Variants in LSP1 observed in about 807,000 individuals in gnomAD.
The protein encoded by LSP1 is lymphocyte-specific protein 1.
A neutral mutation model predicts 49.3 loss-of-function variants in LSP1; 32 were observed. The observed-to-expected ratio is 0.65, with a 90% CI of 0.49 to 0.87. The LOEUF (loss-of-function observed/expected upper bound fraction) is 0.87. Ranked by LOEUF, LSP1 falls within the 40% of genes least tolerant of loss-of-function variation. The pLI, the probability that LSP1 is intolerant of heterozygous loss-of-function variation, is 0.00. For synonymous variants in LSP1, 179 were observed against 178.8 expected, an observed-to-expected ratio of 1.00 and a Z score of -0.01; for missense variants, 428 against 442.6, an observed-to-expected ratio of 0.97 and a Z score of 0.30.
intron 10 of LSP1, chr11:1,888,802 G>T: frequency 4.0e-6 from 1 of 248,794 alleles, no homozygotes; most frequent in Non-Finnish European, 7.6e-6. Flanking sequence ...GGCCCCTGAG[G>T]AGCCTGGGCT....
chr11:1,858,947 C>T (rs1359146952), intron 1 of LSP1, among the ~76,000 whole-genome samples: 1 of 152,188 alleles, frequency 6.6e-6, no homozygotes, highest in Non-Finnish European at 1.5e-5. Context: ...CCAGGCAAGT[C>T]CTATCCTAAC....
intron 1 of LSP1, among the ~76,000 whole-genome samples, chr11:1,873,557 G>A (rs1334524391): frequency 1.3e-5 from 2 of 151,172 alleles, no homozygotes; most frequent in Non-Finnish European, 3.0e-5. Flanking sequence ...AAGGATAGAG[G>A]GAGGAGGGAA....
At chr11:1,876,695 G>A in intron 1 of LSP1, 1 of 939,040 alleles carries the variant, frequency 1.1e-6, no homozygotes, top group Non-Finnish European at 1.3e-6. Flanking sequence ...CAGGCCCTCA[G>A]CGGGGACTGG....
At position 1,880,219 on chromosome 11, in the gene LSP1, G is replaced by A; in HGVS notation, c.186G>A (p.Glu62=). The change falls in exon 2 of 11, where the codon GAG becomes GAA. Residue 62 remains glutamate (E), a synonymous_variant. Transcript: ENST00000311604. Reference sequence around the variant, plus strand: ...ATGTCCCCGAGCGGCCGAAGCAGGAGATGCTGTGAGCAGCCCCATAACGCG... The same window carrying A: ...ATGTCCCCGAGCGGCCGAAGCAGGAAATGCTGTGAGCAGCCCCATAACGCG... ...GGHVPERPKQ[E]MLLSLKPSEA... is the part of the protein sequence containing the mutation. 1 of 1,596,068 alleles carries A rather than the reference G, an allele frequency of 6.3e-7. No homozygotes were observed.
intron 1 of LSP1, among the ~76,000 whole-genome samples, chr11:1,857,068 G>A (rs1847507560): frequency 6.6e-6 from 1 of 152,224 alleles, no homozygotes; most frequent in African/African-American, 2.4e-5. Context: ...TCCTGCCCTG[G>A]GTAAGGGGTC....
At chr11:1,889,206 AG>A in intron 10 of LSP1, 1 of 674,932 alleles carries the variant, frequency 1.5e-6, no homozygotes. Flanking sequence ...GCTCAGCTCC[AG>A]GATGGAGCGG....
chr11:1,854,649 G>A (rs542251983), intron 1 of LSP1, among the ~76,000 whole-genome samples: 2 of 152,238 alleles, frequency 1.3e-5, no homozygotes, highest in Admixed American at 1.3e-4. Flanking sequence ...GGGCTGGGTC[G>A]GGACGTCCGT....
chr11:1,889,535 C>A lies in LSP1; in HGVS notation c.*13+1959C>A. ...CTGGGCACGGAGGCTCTGGGGCCTC[C>A]TCCAGCAGCTGCTTCTTGAGCCACG... On this transcript the variant is annotated intron_variant, in intron 10 of 10. Transcript: ENST00000311604. 2 of 613,410 alleles carry A rather than the reference C, an allele frequency of 3.3e-6. 1 individual carries two copies. The highest frequency in any genetic ancestry group is 3.9e-5 in the South Asian group (2 of 51,470). The allele number at this position is 613,410 out of a possible 1,614,324, so 38.0% of individuals were successfully genotyped here.
At chr11:1,881,330 A>C in intron 2 of LSP1, 102 bp from the exon 3 acceptor site, 1 of 1,181,230 alleles carries the variant, frequency 8.5e-7, no homozygotes. Context: ...GGTCTCCCAC[A>C]CTTGGAGTCC....
At chr11:1,853,219 C>T (rs373707220) in intron 1 of LSP1, 22 bp downstream of exon 1, 22 of 1,603,762 alleles carry the variant, frequency 1.4e-5, no homozygotes, top group East Asian at 2.2e-5. Flanking sequence ...CGGCGACGCC[C>T]GGCGCCCTGT....
chr11:1,868,611 G>A, intron 1 of LSP1: 1 of 975,598 alleles, frequency 1.0e-6, no homozygotes, highest in Non-Finnish European at 1.2e-6. Context: ...CCAAAAGGGT[G>A]TGGCTGCCTT....
intron 1 of LSP1, chr11:1,870,594 G>C (rs1379289547): frequency 1.8e-6 from 2 of 1,115,284 alleles, no homozygotes; most frequent in African/African-American, 1.6e-5. Flanking sequence ...TGTGGGAGTG[G>C]AGCAGGTGGT....
chr11:1,873,952 AGAGCAGGGAGCCCGGCG>A (rs1848171699), intron 1 of LSP1, among the ~76,000 whole-genome samples: 8 of 102,080 alleles, frequency 7.8e-5, no homozygotes, highest in South Asian at 6.1e-4. Context: ...GGAGGCCGGC[AGAGCAGGGAGCCCGGCG>A]GAGGAGGGAG....
Position 1,862,849 on chromosome 11 carries a change from T to C in LSP1, c.53+9652T>C, listed in dbSNP as rs115023578. ...CTCCTCTGGGTGACCTCCCCTCCCC[T>C]GGGTGAGCTCACTAAACATTTGTCC... On this transcript the variant is annotated intron_variant, in intron 1 of 10. Transcript: ENST00000311604. Among the ~76,000 whole-genome samples, 1,352 of 152,236 alleles carry C rather than the reference T, an allele frequency of 8.9e-3. 17 individuals are homozygous for C. Among genetic ancestry groups the C allele is most frequent in the African/African-American group, 0.031 (1,271 of 41,528 alleles).
intron 1 of LSP1, among the ~76,000 whole-genome samples, chr11:1,871,712 G>A (rs1367660066): frequency 1.3e-5 from 2 of 152,056 alleles, no homozygotes; most frequent in African/African-American, 2.4e-5. Context: ...GGGTCTGTCC[G>A]GCTGGCGTGG....
At chr11:1,870,050 G>C in intron 1 of LSP1, 1 of 424,718 alleles carries the variant, frequency 2.4e-6, no homozygotes, top group Non-Finnish European at 5.0e-6. Flanking sequence ...ATCTGTAATG[G>C]GGATGATAGG....
intron 1 of LSP1, chr11:1,863,437 C>G (rs1847694035): frequency 6.6e-6 from 1 of 152,310 alleles, no homozygotes; most frequent in African/African-American, 2.4e-5. Flanking sequence ...TGGCCAGCGG[C>G]CGGCAGATCT....
intron 1 of LSP1, among the ~76,000 whole-genome samples, chr11:1,867,226 C>T (rs1363465483): frequency 6.6e-6 from 1 of 152,080 alleles, no homozygotes; most frequent in African/African-American, 2.4e-5. Flanking sequence ...AGCAAGAGTC[C>T]CTTGTCCAGC....
intron 1 of LSP1, among the ~76,000 whole-genome samples, chr11:1,873,702 G>A (rs1403789060): frequency 6.6e-6 from 1 of 151,974 alleles, no homozygotes; most frequent in Non-Finnish European, 1.5e-5. Context: ...TCATGCCCTG[G>A]GCCATCCCAG....
Sources: allele counts gnomAD v4.1 joint callset (sites outside exome capture counted in the v4.1 genomes callset), GRCh38; gene constraint gnomAD v4.1.1; transcripts MANE v1.5; gene names NCBI Gene and HGNC (gene_info 2026-07-23, HGNC 2026-07-21).